Variants in SORCS2 observed in about 807,000 individuals in gnomAD.
SORCS2 encodes the protein VPS10 domain-containing receptor SorCS2.
A neutral mutation model predicts 141.6 loss-of-function variants in SORCS2; 100 were observed. The ratio of observed to expected loss-of-function variants is 0.71; its 90% CI spans 0.60 to 0.83. The LOEUF is 0.83. Among genes scored for constraint, SORCS2 ranks in the 40% least tolerant of loss-of-function variants. The pLI is 0.00. For synonymous variants in SORCS2, 789 were observed against 676.9 expected, an observed-to-expected ratio of 1.17 and a Z score of -2.57; for missense variants, 1,646 against 1,560.2, an observed-to-expected ratio of 1.05 and a Z score of -0.93.
rs544404369 is a variant in SORCS2 at position 7,570,205 on chromosome 4, G to A, written c.648+38576G>A. Among the ~76,000 whole-genome samples, 5 of 152,304 alleles carry A rather than the reference G, an allele frequency of 3.3e-5. No homozygotes were observed. In the South Asian group the frequency reaches 6.2e-4, roughly 19 times the overall value. ...AGGGTAGTGAGTGATGGATTAGAAC[G>A]CAGCCCGTCTGCTGTGGAGTTCCGA... is the stretch of plus-strand genomic sequence containing the variant. On this transcript the variant is annotated intron_variant, in intron 3 of 26. Coordinates refer to ENST00000507866, the MANE Select transcript of SORCS2 (RefSeq NM_020777.3).
intron 1 of SORCS2, among the ~76,000 whole-genome samples, chr4:7,312,409 C>T (rs1466604186): frequency 2.0e-5 from 3 of 152,160 alleles, no homozygotes; most frequent in Non-Finnish European, 4.4e-5. Flanking sequence ...GGGTTTTGCT[C>T]GGATCAGGGC....
chr4:7,488,911 A>G (rs76844177), intron 2 of SORCS2, among the ~76,000 whole-genome samples: 2,304 of 152,348 alleles, frequency 0.015, 58 homozygotes, highest in African/African-American at 0.052. Flanking sequence ...CCCCTGTGCC[A>G]TTTGACAGGT....
rs964792515 is a variant in SORCS2 at position 7,689,461 on chromosome 4, G to A, written c.1489-25G>A. 9 of 1,566,654 alleles carry A rather than the reference G, an allele frequency of 5.7e-6. No individual in the cohort carries two copies. The Admixed American group carries it at 1.1e-4, about 19-fold the overall frequency. On this transcript the variant is annotated intron_variant, in intron 10 of 26. Coordinates refer to ENST00000507866, the MANE Select transcript of SORCS2 (RefSeq NM_020777.3). ...GGATGCTCCTACTCATGTGTTGACA[G>A]TTGCGTCCTTTCTCTTCCTTGCAGC... is the stretch of plus-strand genomic sequence containing the variant.
chr4:7,322,033 G>T (rs915553385), intron 1 of SORCS2, among the ~76,000 whole-genome samples: 2 of 152,186 alleles, frequency 1.3e-5, no homozygotes, highest in South Asian at 2.1e-4. Flanking sequence ...GCTCCTCCAA[G>T]AAACAGGCTT....
At chr4:7,662,659 G>A (rs1286882645) in intron 6 of SORCS2, among the ~76,000 whole-genome samples, 1 of 152,238 alleles carries the variant, frequency 6.6e-6, no homozygotes, top group Non-Finnish European at 1.5e-5. Flanking sequence ...ACACCACGTT[G>A]TCAGGGTTAG....
intron 3 of SORCS2, among the ~76,000 whole-genome samples, chr4:7,571,942 C>T (rs1039735918): frequency 2.6e-5 from 4 of 152,186 alleles, no homozygotes; most frequent in East Asian, 1.9e-4. Context: ...ACTCAGCAAA[C>T]GTGCCCTACC....
chr4:7,380,880 A>G (rs999584213), intron 1 of SORCS2, among the ~76,000 whole-genome samples: 33 of 152,196 alleles, frequency 2.2e-4, no homozygotes, highest in Non-Finnish European at 4.1e-4. Flanking sequence ...TGTTGAGATC[A>G]AGGCCAGCCT....
rs1727471874 is a variant in SORCS2 at position 7,201,293 on chromosome 4, T to C, written c.480+8167T>C. ...AGACTCGTGCGTTGATCAAGAAGCC[T>C]GGCTCGAAGTCATAGAGACAGCCCT... On this transcript the variant is annotated intron_variant, in intron 1 of 26. Coordinates refer to ENST00000507866, the MANE Select transcript of SORCS2 (RefSeq NM_020777.3). This position sits in a 1 kb window ranked among gnomAD's most constrained non-coding sequence, Gnocchi z 4.4. 2.6e-5 allele frequency among the ~76,000 whole-genome samples: 4 copies of C among 152,352 alleles called. No homozygotes were observed. The highest frequency in any genetic ancestry group is 4.1e-4 in the South Asian group (2 of 4,822).
chr4:7,723,013 G>T lies in SORCS2; in HGVS notation c.2425-684G>T, dbSNP rs187509194. 4.7e-3 allele frequency among the ~76,000 whole-genome samples: 716 copies of T among 152,180 alleles called. 3 individuals carry two copies. The highest frequency in any genetic ancestry group is 0.031 in the Middle Eastern group (9 of 294). Reference sequence around the variant, plus strand: ...TGATCATGAGCCATAAATCGAAGAAGTTCCTGTTTCCTTCACTCAATCCCC... The same window carrying T: ...TGATCATGAGCCATAAATCGAAGAATTTCCTGTTTCCTTCACTCAATCCCC... On this transcript the variant is annotated intron_variant, in intron 18 of 26. Coordinates refer to ENST00000507866, the MANE Select transcript of SORCS2 (RefSeq NM_020777.3).
chr4:7,401,521 G>C (rs977952162), intron 2 of SORCS2, among the ~76,000 whole-genome samples: 2 of 152,200 alleles, frequency 1.3e-5, no homozygotes, highest in African/African-American at 4.8e-5. Flanking sequence ...GGAGCAACAG[G>C]GTTCTGCAAG....
chr4:7,572,550 C>A (rs1391054981), intron 3 of SORCS2, among the ~76,000 whole-genome samples: 2 of 152,118 alleles, frequency 1.3e-5, no homozygotes, highest in Non-Finnish European at 2.9e-5. Context: ...CAAGACTTAG[C>A]CCATGTTAGT....
intron 2 of SORCS2, among the ~76,000 whole-genome samples, chr4:7,516,106 A>G (rs1466782684): frequency 2.0e-5 from 3 of 152,078 alleles, no homozygotes; most frequent in Non-Finnish European, 4.4e-5. Context: ...TTCCACCCGC[A>G]TTTACCGGTA....
At chr4:7,493,736 T>C (rs1319329229) in intron 2 of SORCS2, among the ~76,000 whole-genome samples, 3 of 152,190 alleles carry the variant, frequency 2.0e-5, no homozygotes, top group East Asian at 3.8e-4. Context: ...CGCGGAGCCA[T>C]GTCAGGAAAG....
In SORCS2 at chr4:7,654,226, C is replaced by A. The variant is rs1577901623; in HGVS notation, c.887+19C>A. The A allele has an allele frequency of 1.3e-6, 2 of 1,563,910 alleles. No homozygotes were observed. Among genetic ancestry groups the A allele is most frequent in the Non-Finnish European group, 1.7e-6 (2 of 1,152,716 alleles). ...TGTTCTGGTGAGAGCACTTCCCCAC[C>A]CCAAACCCATGGGGCCCGCAGCTCT... On this transcript the variant is annotated intron_variant, in intron 5 of 26. Transcript: ENST00000507866.
chr4:7,665,645 C>T (rs116154902), intron 7 of SORCS2, among the ~76,000 whole-genome samples: 2,503 of 152,206 alleles, frequency 0.016, 61 homozygotes, highest in African/African-American at 0.051. Flanking sequence ...TGTGTCATTC[C>T]GTACCATTTA....
intron 4 of SORCS2, among the ~76,000 whole-genome samples, chr4:7,645,721 C>T (rs897202621): frequency 1.3e-5 from 2 of 152,180 alleles, no homozygotes; most frequent in African/African-American, 4.8e-5. Context: ...CCTCATGAAG[C>T]TTATGTTCTA....
In SORCS2 at chr4:7,420,885, G is replaced by A. The variant is rs545500434; in HGVS notation, c.548+24530G>A. On this transcript the variant is annotated intron_variant, in intron 2 of 26. Transcript: ENST00000507866. ...AGCTTAAGTAGGTTCTCGGCTTGGC[G>A]CGGAGCCTCTCGCTTGCCTCCTCTG... Among the ~76,000 whole-genome samples, 121 of 152,292 alleles carry A rather than the reference G, an allele frequency of 7.9e-4. 1 individual carries two copies. Among genetic ancestry groups the A allele is most frequent in the African/African-American group, 2.1e-3 (88 of 41,560 alleles).
At chr4:7,306,505 G>A (rs1717842105) in intron 1 of SORCS2, among the ~76,000 whole-genome samples, 1 of 152,208 alleles carries the variant, frequency 6.6e-6, no homozygotes, top group Non-Finnish European at 1.5e-5. Flanking sequence ...GGCTGTTGGA[G>A]CAGAGGGAGT....
At chr4:7,245,308 C>T (rs550575583) in intron 1 of SORCS2, among the ~76,000 whole-genome samples, 4 of 152,332 alleles carry the variant, frequency 2.6e-5, no homozygotes, top group East Asian at 3.9e-4. Context: ...GGACCTGGTG[C>T]GCCATGGATG....
Sources: allele counts gnomAD v4.1 joint callset (sites outside exome capture counted in the v4.1 genomes callset), GRCh38; gene constraint gnomAD v4.1.1; non-coding constraint Gnocchi (gnomAD v3.1); transcripts MANE v1.5; gene names NCBI Gene and HGNC (gene_info 2026-07-23, HGNC 2026-07-21).